RSU1: variants seen among roughly 807,000 people sequenced by gnomAD.
RSU1 encodes Ras suppressor protein 1, also known as rsu-1.
Under a neutral mutation model 31.1 loss-of-function variants are expected in RSU1, and 26 were observed. The ratio of observed to expected loss-of-function variants is 0.84; its 90% CI spans 0.61 to 1.16. RSU1 has a LOEUF of 1.16. Among genes scored for constraint, RSU1 ranks in the 50% most tolerant of loss-of-function variants. The probability of loss-of-function intolerance (pLI) is 0.00; values close to 1 mark genes in which losing one functional copy is unlikely to be tolerated. For missense variants in RSU1, 320 were observed against 339.1 expected (o/e 0.94, Z 0.44); for synonymous variants, 164 against 136.3 (o/e 1.20, Z -1.41).
At position 16,593,118 on chromosome 10, in the gene RSU1, C is replaced by T; in HGVS notation, c.*276G>A. ...CTTGTGATATCTATTCAAGAAAAGC[C>T]AGAGCCCACTATGGAATTCGCAGTT... On this transcript the variant is annotated 3_prime_UTR_variant, in exon 9 of 9. Transcript: ENST00000345264. 1 of 342,034 alleles carries T rather than the reference C, an allele frequency of 2.9e-6. No homozygotes were observed. Among genetic ancestry groups the T allele is most frequent in the African/African-American group, 2.1e-5 (1 of 48,004 alleles). The allele number at this position is 342,034 out of a possible 1,614,324, so 21.2% of individuals were successfully genotyped here. A position where few individuals can be genotyped will look rare whatever the true frequency, so the allele number is the denominator to read the frequency against.
chr10:16,696,293 C>T lies in RSU1; in HGVS notation c.599-1138G>A, dbSNP rs548007431. Among the ~76,000 whole-genome samples the T allele has an allele frequency of 3.9e-5, 6 of 152,220 alleles. No homozygotes were observed. The South Asian group carries it at 1.2e-3, about 32-fold the overall frequency. Reference sequence around the variant, plus strand: ...GCCTATGTTTTCATAGATGGTAACTCAGGACAATGAAAACATATCCTGGGA... The same window carrying T: ...GCCTATGTTTTCATAGATGGTAACTTAGGACAATGAAAACATATCCTGGGA... On this transcript the variant is annotated intron_variant, in intron 7 of 8. Coordinates refer to ENST00000345264, the MANE Select transcript of RSU1 (RefSeq NM_012425.4).
At chr10:16,791,504 C>T (rs1343606304) in intron 2 of RSU1, among the ~76,000 whole-genome samples, 1 of 151,798 alleles carries the variant, frequency 6.6e-6, no homozygotes, top group African/African-American at 2.4e-5. Flanking sequence ...TGGTGCATAC[C>T]TGTAGTCCCA....
intron 7 of RSU1, among the ~76,000 whole-genome samples, chr10:16,716,366 G>A (rs891744652): frequency 1.3e-5 from 2 of 152,060 alleles, no homozygotes; most frequent in Non-Finnish European, 2.9e-5. Flanking sequence ...GAGTAGAAAC[G>A]TCTACACTAT....
At chr10:16,778,683 G>A (rs1046258252) in intron 3 of RSU1, among the ~76,000 whole-genome samples, 1 of 152,190 alleles carries the variant, frequency 6.6e-6, no homozygotes, top group Non-Finnish European at 1.5e-5. Context: ...GGGAGAGGCT[G>A]GTAGAGAGGA....
intron 8 of RSU1, among the ~76,000 whole-genome samples, chr10:16,626,789 T>C (rs1020156997): frequency 6.6e-6 from 1 of 152,160 alleles, no homozygotes; most frequent in African/African-American, 2.4e-5. Flanking sequence ...ATCGATCTCA[T>C]GTATGGGGGA....
Position 16,764,305 on chromosome 10 carries a change from A to G in RSU1, c.281+85T>C, listed in dbSNP as rs1837267956. ...TAGAAATCCATTTCTGTGCAATAATATAAAAGGAATCCCTCCCCTGGCCTT... is the reference window on the plus strand; with the variant it reads ...TAGAAATCCATTTCTGTGCAATAATGTAAAAGGAATCCCTCCCCTGGCCTT... On this transcript the variant is annotated intron_variant, in intron 4 of 8. Transcript: ENST00000345264. 5 of 1,392,860 alleles carry G rather than the reference A, an allele frequency of 3.6e-6. No homozygotes were observed. The South Asian group carries it at 5.2e-5, about 15-fold the overall frequency. 86.3% of individuals were successfully genotyped at this position (1,392,860 alleles called of 1,614,324 possible).
intron 8 of RSU1, among the ~76,000 whole-genome samples, chr10:16,648,174 T>C: frequency 6.6e-6 from 1 of 151,416 alleles, no homozygotes; most frequent in South Asian, 2.1e-4. Context: ...CTATGTTGCC[T>C]AGGCTGGTCT....
chr10:16,680,333 T>C (rs1482010074), intron 8 of RSU1, among the ~76,000 whole-genome samples: 1 of 152,094 alleles, frequency 6.6e-6, no homozygotes, highest in Non-Finnish European at 1.5e-5. Flanking sequence ...GAATACCATT[T>C]TCCCATGACA....
chr10:16,710,664 A>T (rs112500801), intron 7 of RSU1, among the ~76,000 whole-genome samples: 44 of 151,768 alleles, frequency 2.9e-4, no homozygotes, highest in Non-Finnish European at 3.4e-4. Context: ...CATTTTTTTT[A>T]AATTTTTTTA....
intron 8 of RSU1, among the ~76,000 whole-genome samples, chr10:16,664,488 C>T (rs1307552033): frequency 2.6e-5 from 4 of 152,186 alleles, no homozygotes; most frequent in East Asian, 1.9e-4. Context: ...ATAATTGCTG[C>T]ATCTAAGACA....
At chr10:16,662,819 A>C (rs45536936) in intron 8 of RSU1, among the ~76,000 whole-genome samples, 1,884 of 152,290 alleles carry the variant, frequency 0.012, 23 homozygotes, top group Non-Finnish European at 0.02. Context: ...CTGCCATTTT[A>C]AAAGTAAAAG....
At chr10:16,786,526 C>A (rs537664312) in intron 2 of RSU1, among the ~76,000 whole-genome samples, 4 of 152,150 alleles carry the variant, frequency 2.6e-5, no homozygotes, top group Non-Finnish European at 4.4e-5. Flanking sequence ...AATTCAGGCA[C>A]TAGATGTGCT....
chr10:16,624,096 C>G (rs1051463586), intron 8 of RSU1, among the ~76,000 whole-genome samples: 1 of 152,046 alleles, frequency 6.6e-6, no homozygotes, highest in Non-Finnish European at 1.5e-5. Context: ...AATTTTATGA[C>G]GTGCTGGGTG....
At chr10:16,653,682 T>C (rs1834724470) in intron 8 of RSU1, among the ~76,000 whole-genome samples, 1 of 152,270 alleles carries the variant, frequency 6.6e-6, no homozygotes, top group Middle Eastern at 3.4e-3. Context: ...TTTATTTCAG[T>C]ATGCAATTTG....
At chr10:16,758,971 G>A (rs1837151560) in intron 4 of RSU1, among the ~76,000 whole-genome samples, 1 of 152,184 alleles carries the variant, frequency 6.6e-6, no homozygotes, top group Admixed American at 6.5e-5. Flanking sequence ...GTGGGCAAAT[G>A]CCTGCATATG....
chr10:16,603,817 T>A (rs1018254888), intron 8 of RSU1, among the ~76,000 whole-genome samples: 6 of 152,292 alleles, frequency 3.9e-5, no homozygotes, highest in Admixed American at 1.3e-4. Context: ...AAAAGAGACA[T>A]CCAACTGTAT....
chr10:16,682,883 C>T (rs1056428160), intron 8 of RSU1, among the ~76,000 whole-genome samples: 2 of 152,120 alleles, frequency 1.3e-5, no homozygotes, highest in African/African-American at 2.4e-5. Context: ...CACATGCCCT[C>T]CTTATGAGTG....
rs527439260 is a variant in RSU1, at chr10:16,764,942, A to G, written c.161-432T>C. 6.6e-5 allele frequency among the ~76,000 whole-genome samples: 10 copies of G among 151,376 alleles called. No homozygotes were observed. The East Asian group carries it at 2.0e-3, about 30-fold the overall frequency. ...CAGAAGAAGAAATGCTTCTTCGTAT[A>G]TGATTAGCTAAGTGCTTGGCACAGT... On this transcript the variant is annotated intron_variant, in intron 3 of 8. Coordinates refer to ENST00000345264, the MANE Select transcript of RSU1 (RefSeq NM_012425.4).
intron 8 of RSU1, among the ~76,000 whole-genome samples, chr10:16,653,013 G>T (rs189540257): frequency 1.3e-5 from 2 of 151,992 alleles, no homozygotes; most frequent in African/African-American, 4.8e-5. Flanking sequence ...TTTACATAGA[G>T]AACAGAAAAA....
Sources: gnomAD v4.1 joint callset for allele counts (sites outside exome capture counted in the v4.1 genomes callset) on GRCh38, gnomAD v4.1.1 for gene constraint, MANE v1.5 for transcripts, NCBI Gene and HGNC (gene_info 2026-07-23, HGNC 2026-07-21) for gene names.